CYP4B1: variants seen among roughly 807,000 people sequenced by gnomAD.
The protein encoded by CYP4B1 is cytochrome P450 4B1.
In CYP4B1, 45 loss-of-function variants were observed where a neutral mutation model predicts 54.0. The ratio of observed to expected loss-of-function variants is 0.83; its 90% CI spans 0.66 to 1.07. The LOEUF is 1.07. CYP4B1 is among the 50% of genes least tolerant of loss of function. The pLI, the probability that CYP4B1 is intolerant of heterozygous loss-of-function variation, is 0.00. For synonymous variants in CYP4B1, 248 were observed against 247.5 expected (o/e 1.00, Z -0.02); for missense variants, 656 against 655.4 (o/e 1.00, Z -0.01).
At position 46,817,113 on chromosome 1, in the gene CYP4B1, C is replaced by T; in HGVS notation, c.1139C>T (p.Pro380Leu). 1 of 1,614,196 alleles carries T rather than the reference C, an allele frequency of 6.2e-7. No individual in the cohort carries two copies. The highest frequency in any genetic ancestry group is 8.5e-7 in the Non-Finnish European group (1 of 1,180,030). The change falls in exon 9 of 12, where the codon CCT becomes CTT. Residue 380 changes from proline to leucine, a missense_variant. By Grantham distance (98) the Pro-to-Leu change is moderately conservative. Transcript: ENST00000371923. ...AAGGAGAGCTTCCGCCTCTACCCAC[C>T]TGTGCCCCAGGTGTACCGCCAGCTC... The part of the protein sequence containing the change: ...CIKESFRLYP[P>L]VPQVYRQLSK...
At position 46,818,205 on chromosome 1, in the gene CYP4B1, TG is replaced by T. The variant is rs777869173; in HGVS notation, c.1350del (p.Arg452GlyfsTer10). 3.7e-6 allele frequency: 6 copies of T among 1,613,896 alleles called. No homozygotes were observed. The South Asian group carries it at 6.6e-5, about 18-fold the overall frequency. On this transcript the variant is annotated frameshift_variant, in exon 11 of 12. Transcript: ENST00000371923. LOFTEE classifies it low-confidence loss of function (END_TRUNC). ...CCTTTGCCTTTATGCCCTTCTCTGC[TG>T]GGCCCAGGTATGGAGAGACCCAGTA... The part of the protein sequence containing the change: ...HPFAFMPFSA[G>X]PRNCIGQQFA...
chr1:46,799,097 C>T lies in CYP4B1; in HGVS notation c.16C>T (p.Leu6Phe), dbSNP rs781172722. 1.2e-6 allele frequency: 2 copies of T among 1,613,902 alleles called. No homozygotes were observed. Among genetic ancestry groups the T allele is most frequent in the African/African-American group, 1.3e-5 (1 of 74,926 alleles). Reference protein sequence around the residue: MVPSFLSLSFSSLGLW... With the variant: MVPSFFSLSFSSLGLW... Reference sequence around the variant, plus strand: ...AACTGCAACCATGGTGCCCAGCTTCCTCTCCCTGAGCTTCTCCTCCTTGGG... The same window carrying T: ...AACTGCAACCATGGTGCCCAGCTTCTTCTCCCTGAGCTTCTCCTCCTTGGG... Residue 6 changes from leucine to phenylalanine, a missense_variant, in exon 1 of 12, where the codon CTC becomes TTC. Coordinates refer to ENST00000371923, the MANE Select transcript of CYP4B1 (RefSeq NM_001099772.2).
chr1:46,812,658 G>T (rs1211854327), intron 4 of CYP4B1, 35 bp downstream of exon 4: 6 of 1,603,230 alleles, frequency 3.7e-6, no homozygotes, highest in Non-Finnish European at 5.1e-6. Context: ...GGAGGCTGTT[G>T]CCTGCTGGGC....
rs947792717 is a variant in CYP4B1, at chr1:46,818,666, T to C, written c.1391T>C (p.Met464Thr). 9 of 1,614,090 alleles carry C rather than the reference T, an allele frequency of 5.6e-6. No individual in the cohort carries two copies. The highest frequency in any genetic ancestry group is 5.3e-5 in the African/African-American group (4 of 74,932). Residue 464 changes from methionine (M) to threonine (T), a missense_variant, in exon 12 of 12, where the codon ATG (methionine) becomes ACG (threonine). Physicochemically the swap from Met to Thr is moderately conservative, Grantham distance 81 (BLOSUM62 -1). Coordinates refer to ENST00000371923, the MANE Select transcript of CYP4B1 (RefSeq NM_001099772.2). ...GGGCAGCAGTTTGCCATGAGTGAGA[T>C]GAAGGTGGTCACAGCCATGTGCTTG... ...CIGQQFAMSEMKVVTAMCLLR... is the reference protein window; with the variant it reads ...CIGQQFAMSETKVVTAMCLLR...
At chr1:46,814,504 G>A (rs372926949) in intron 7 of CYP4B1, among the ~76,000 whole-genome samples, 189 bp downstream of exon 7, 239 of 152,300 alleles carry the variant, frequency 1.6e-3, no homozygotes, top group African/African-American at 5.4e-3. Context: ...GTGTGCCTGA[G>A]CTGTGGAGTT....
intron 1 of CYP4B1, among the ~76,000 whole-genome samples, chr1:46,809,949 G>T (rs940325498): frequency 1.3e-5 from 2 of 152,146 alleles, no homozygotes; most frequent in Non-Finnish European, 2.9e-5. Context: ...GTGAGTAAAC[G>T]TGACTAGAAA....
chr1:46,800,254 C>T (rs187403301), intron 1 of CYP4B1, among the ~76,000 whole-genome samples: 52,659 of 86,202 alleles, frequency 0.61, 19,293 homozygotes, highest in Non-Finnish European at 0.7. Flanking sequence ...TCCTTCCTTC[C>T]TTCCTTCCTT....
rs1376396589 is a variant in CYP4B1 at position 46,800,274 on chromosome 1, C to T, written c.180+1013C>T. ...CCTTCCTTCCTTCCTTCCTTCCTTC[C>T]TTCCTTCCTTCCTTCCTTCCTTCCT... On this transcript the variant is annotated intron_variant, in intron 1 of 11. Transcript: ENST00000371923. Among the ~76,000 whole-genome samples, 18 of 79,766 alleles carry T rather than the reference C, an allele frequency of 2.3e-4. 2 individuals are homozygous for T. The highest frequency in any genetic ancestry group is 6.2e-4 in the Admixed American group (4 of 6,476). 52.3% of individuals were successfully genotyped at this position (79,766 alleles called of 152,430 possible).
chr1:46,811,521 G>C (rs1679100098), intron 3 of CYP4B1, among the ~76,000 whole-genome samples: 1 of 152,184 alleles, frequency 6.6e-6, no homozygotes, highest in South Asian at 2.1e-4. Flanking sequence ...AAGGGCCTAA[G>C]GAAATGGTGT....
rs924188145 is a variant in CYP4B1, at chr1:46,818,862, G to A, written c.*48G>A. On this transcript the variant is annotated 3_prime_UTR_variant, in exon 12 of 12. Transcript: ENST00000371923. ...GATGGCTCAGGCTGTGACCTCCCTG[G>A]GCACCACCCTCCCCAGGCTGGGTGT... The A allele has an allele frequency of 1.3e-6, 2 of 1,587,744 alleles. No homozygotes were observed. The highest frequency in any genetic ancestry group is 8.6e-7 in the Non-Finnish European group (1 of 1,160,726).
intron 1 of CYP4B1, among the ~76,000 whole-genome samples, chr1:46,800,238 T>TTTCTTTCC (rs1557484695): frequency 1.1e-3 from 48 of 42,426 alleles, no homozygotes; most frequent in African/African-American, 2.8e-3. Context: ...TCTTTCTTTC[T>TTTCTTTCC]TTCCTTCCTT....
At chr1:46,805,439 A>C (rs1429390360) in intron 1 of CYP4B1, among the ~76,000 whole-genome samples, 1 of 152,214 alleles carries the variant, frequency 6.6e-6, no homozygotes, top group Non-Finnish European at 1.5e-5. Context: ...TGGTGACCAC[A>C]CTGATCTCAC....
At chr1:46,816,200 G>T (rs1051026032) in intron 8 of CYP4B1, among the ~76,000 whole-genome samples, 2 of 152,142 alleles carry the variant, frequency 1.3e-5, no homozygotes, top group Non-Finnish European at 2.9e-5. Flanking sequence ...GTTTTATGGA[G>T]ACAAATTCAC....
chr1:46,814,118 C>A, intron 6 of CYP4B1, 55 bp downstream of exon 6: 1 of 1,609,602 alleles, frequency 6.2e-7, no homozygotes, highest in South Asian at 1.1e-5. Context: ...TCCTCCTGGC[C>A]CCTCTATGCC....
At chr1:46,814,825 G>GAACT (rs3841797) in intron 7 of CYP4B1, 178,869 of 527,104 alleles carry the variant, frequency 0.34, 34,705 homozygotes, top group African/African-American at 0.61. Flanking sequence ...CCAGTGAGCA[G>GAACT]AACAGTCAGG....
chr1:46,818,283 G>A (rs1039319486), intron 11 of CYP4B1, 70 bp downstream of exon 11: 8 of 1,385,678 alleles, frequency 5.8e-6, no homozygotes, highest in African/African-American at 2.9e-5. Flanking sequence ...CATAGGGGAG[G>A]CACTATTAGA....
chr1:46,814,176 C>T (rs1243848726), intron 6 of CYP4B1, 33 bp from the exon 7 acceptor site: 1 of 1,612,480 alleles, frequency 6.2e-7, no homozygotes, highest in East Asian at 2.2e-5. Context: ...AAGATGGCTT[C>T]CCAGGCAGTG....
At chr1:46,802,070 C>T (rs114536400) in intron 1 of CYP4B1, among the ~76,000 whole-genome samples, 11,768 of 152,238 alleles carry the variant, frequency 0.077, 699 homozygotes, top group Admixed American at 0.16. Flanking sequence ...TCCTATTCTT[C>T]CAGGGTCCCC....
chr1:46,800,017 T>C (rs184216337), intron 1 of CYP4B1, among the ~76,000 whole-genome samples: 67 of 152,316 alleles, frequency 4.4e-4, no homozygotes, highest in African/African-American at 1.4e-3. Context: ...ATTTGTCAGA[T>C]TGGAACTAGG....
Sources: allele counts gnomAD v4.1 joint callset (sites outside exome capture counted in the v4.1 genomes callset), GRCh38; gene constraint gnomAD v4.1.1; transcripts MANE v1.5; gene names NCBI Gene and HGNC (gene_info 2026-07-23, HGNC 2026-07-21).